Variants in GSTA2 observed in about 807,000 individuals in gnomAD.
GSTA2 encodes the protein glutathione S-transferase A2.
In GSTA2, 27 loss-of-function variants were observed where a neutral mutation model predicts 22.4. The observed-to-expected ratio is 1.21, with a 90% CI of 0.89 to 1.67. GSTA2 has a LOEUF of 1.67. Ranked by LOEUF, GSTA2 falls within the 40% of genes most tolerant of loss-of-function variation. The pLI is 0.00. For synonymous variants in GSTA2, 121 were observed against 86.8 expected (o/e 1.39, Z -2.19); for missense variants, 302 against 260.2 (o/e 1.16, Z -1.11).
Position 52,750,108 on chromosome 6 carries a change from A to C in GSTA2, c.*469T>G, listed in dbSNP as rs1237434274. On this transcript the variant is annotated 3_prime_UTR_variant, in exon 7 of 7. Coordinates refer to ENST00000493422, the MANE Select transcript of GSTA2 (RefSeq NM_000846.5). ...ATCGTTGTTTTGCAAATGCATTAGA[A>C]AGAATGCTTTTATCAGAAATAAAAT... 1 of 156,368 alleles carries C rather than the reference A, an allele frequency of 6.4e-6. No homozygotes were observed. Among genetic ancestry groups the C allele is most frequent in the Non-Finnish European group, 1.4e-5 (1 of 70,774 alleles). 9.7% of individuals were successfully genotyped at this position (156,368 alleles called of 1,614,324 possible).
chr6:52,760,962 A>G (rs1220516329), intron 1 of GSTA2, among the ~76,000 whole-genome samples: 3 of 152,158 alleles, frequency 2.0e-5, no homozygotes, highest in Non-Finnish European at 4.4e-5. Flanking sequence ...TTCCAGGAGT[A>G]AATTAAAGGA....
chr6:52,754,885 GA>G, intron 4 of GSTA2, 57 bp downstream of exon 4: 1 of 1,609,198 alleles, frequency 6.2e-7, no homozygotes, highest in South Asian at 1.1e-5. Flanking sequence ...CCCACTCAAG[GA>G]AGGACCTAAA....
intron 3 of GSTA2, among the ~76,000 whole-genome samples, chr6:52,755,646 T>A (rs1158297134): frequency 6.6e-6 from 1 of 152,206 alleles, no homozygotes; most frequent in Non-Finnish European, 1.5e-5. Context: ...TTTTTTGTGT[T>A]GATTTATCTT....
chr6:52,752,717 C>G, intron 5 of GSTA2, 137 bp downstream of exon 5: 3 of 1,042,598 alleles, frequency 2.9e-6, no homozygotes, highest in South Asian at 2.9e-5. Context: ...CATAAAATGC[C>G]TTGAGAGTCA....
intron 5 of GSTA2, among the ~76,000 whole-genome samples, chr6:52,752,026 A>G (rs1285610138): frequency 1.3e-5 from 2 of 152,164 alleles, no homozygotes; most frequent in Non-Finnish European, 2.9e-5. Context: ...TGTCTGCCCC[A>G]GGCCCTGCAG....
chr6:52,761,184 T>C (rs1762944444), intron 1 of GSTA2, among the ~76,000 whole-genome samples: 1 of 152,196 alleles, frequency 6.6e-6, no homozygotes, highest in Admixed American at 6.5e-5. Context: ...AAAAAAATCA[T>C]AGTAGGAACA....
At chr6:52,752,804 C>G (rs915848432) in intron 5 of GSTA2, 50 bp downstream of exon 5, 2 of 1,609,220 alleles carry the variant, frequency 1.2e-6, no homozygotes, top group Non-Finnish European at 1.7e-6. Flanking sequence ...CACTATTTTT[C>G]TACTGGCTTC....
At chr6:52,754,469 C>A (rs568224677) in intron 4 of GSTA2, among the ~76,000 whole-genome samples, 110 of 152,244 alleles carry the variant, frequency 7.2e-4, no homozygotes, top group African/African-American at 2.6e-3. Context: ...TCAAGTATTC[C>A]AGTTGATATA....
intron 1 of GSTA2, among the ~76,000 whole-genome samples, chr6:52,759,564 T>TTTTTTTTTG (rs1240503523): frequency 7.6e-5 from 2 of 26,188 alleles, no homozygotes; most frequent in Admixed American, 5.3e-4. Flanking sequence ...TATTTATTTG[T>TTTTTTTTTG]TTTTTTTTTT....
intron 4 of GSTA2, 76 bp downstream of exon 4, chr6:52,754,867 T>C (rs2127286881): frequency 2.5e-6 from 4 of 1,594,258 alleles, no homozygotes; most frequent in Non-Finnish European, 2.6e-6. Context: ...TACCCTGCCA[T>C]GGTCCCACCC....
In GSTA2 at chr6:52,752,978, T is replaced by C. The variant is rs551872534; in HGVS notation, c.290A>G (p.Glu97Gly). 1 of 1,610,626 alleles carries C rather than the reference T, an allele frequency of 6.2e-7. No individual in the cohort carries two copies. The highest frequency in any genetic ancestry group is 1.7e-5 in the Admixed American group (1 of 59,428). ...CATTTCACCCAAATCTGCTATACCT[T>C]CTATATACATATCAATCCTGAAAGA... ...KEKALIDMYIEGIADLGEMIL... is the reference protein window; with the variant it reads ...KEKALIDMYIGGIADLGEMIL... Residue 97 changes from glutamate to glycine, a missense_variant, in exon 5 of 7, where the codon GAA becomes GGA. Coordinates refer to ENST00000493422, the MANE Select transcript of GSTA2 (RefSeq NM_000846.5).
Position 52,754,965 on chromosome 6 carries a change from T to C in GSTA2, c.250A>G (p.Lys84Glu). Residue 84 changes from lysine to glutamate, a missense_variant, in exon 4 of 7, where the codon AAA becomes GAA. Lys to Glu is a moderately conservative substitution (Grantham distance 56, BLOSUM62 1). Coordinates refer to ENST00000493422, the MANE Select transcript of GSTA2 (RefSeq NM_000846.5). ...YIASKYNLYG[K>E]DIKEKALIDM... ...TACAGGGCTTTCTCCTTTATGTCTT[T>C]CCCATAGAGGTTGTATTTGCTGGCA... 1 of 1,613,920 alleles carries C rather than the reference T, an allele frequency of 6.2e-7. No homozygotes were observed. The highest frequency in any genetic ancestry group is 8.5e-7 in the Non-Finnish European group (1 of 1,179,948).
rs112870203 is a variant in GSTA2 at position 52,754,299 on chromosome 6, G to A, written c.272+644C>T. Among the ~76,000 whole-genome samples, 975 of 152,300 alleles carry A rather than the reference G, an allele frequency of 6.4e-3. 12 individuals carry two copies. The highest frequency in any genetic ancestry group is 0.022 in the African/African-American group (915 of 41,548). On this transcript the variant is annotated intron_variant, in intron 4 of 6. Coordinates refer to ENST00000493422, the MANE Select transcript of GSTA2 (RefSeq NM_000846.5). ...TATTAAAGTTTTTGAGGAGCTGCCA[G>A]CAGTTTCATTCAGGATTTATTTGGA...
intron 4 of GSTA2, 70 bp from the exon 5 acceptor site, chr6:52,753,065 A>G (rs1390113197): frequency 9.6e-6 from 14 of 1,451,924 alleles, no homozygotes; most frequent in Non-Finnish European, 1.3e-5. Context: ...TAAAAACCTA[A>G]GAGAGTAGAG....
chr6:52,751,674 C>T lies in GSTA2; in HGVS notation c.449G>A (p.Gly150Asp). Residue 150 changes from glycine to aspartate, a missense_variant, in exon 6 of 7, where the codon GGC (glycine) becomes GAC (aspartate). Gly to Asp is a moderately conservative substitution (Grantham distance 94, BLOSUM62 -1). Coordinates refer to ENST00000493422, the MANE Select transcript of GSTA2 (RefSeq NM_000846.5). Reference protein sequence around the residue: ...LKSHGQDYLVGNKLSRADIHL... With the variant: ...LKSHGQDYLVDNKLSRADIHL... ...AATGTCAGCCCGGCTCAGCTTGTTG[C>T]CAACAAGGTAGTCTTGTCCGTGGCT... is the stretch of plus-strand genomic sequence containing the variant. 2.5e-6 allele frequency: 4 copies of T among 1,614,140 alleles called. No individual in the cohort carries two copies. The highest frequency in any genetic ancestry group is 3.4e-6 in the Non-Finnish European group (4 of 1,180,008).
Position 52,752,921 on chromosome 6 carries a change from T to A in GSTA2, c.347A>T (p.Glu116Val). The stretch of plus-strand genomic sequence containing the variant: ...GATCAAGGCAAGCTTGGCATCTTGT[T>A]CCTCAGGTTGACTAAAGGGCAGAAG... The part of the protein sequence containing the change: ...ILLLPFSQPE[E>V]QDAKLALIQE... Residue 116 changes from glutamate to valine, a missense_variant, in exon 5 of 7, where the codon GAA (glutamate) becomes GTA (valine). Glu to Val is a moderately radical substitution (Grantham distance 121). Transcript: ENST00000493422. The A allele has an allele frequency of 1.9e-6, 3 of 1,614,078 alleles. No individual in the cohort carries two copies. The South Asian group carries it at 3.3e-5, about 18-fold the overall frequency.
intron 3 of GSTA2, 61 bp from the exon 4 acceptor site, chr6:52,755,136 A>T (rs1762816341): frequency 6.4e-7 from 1 of 1,573,062 alleles, no homozygotes; most frequent in South Asian, 1.2e-5. Context: ...TTTCAGGATG[A>T]AAAAAAATGG....
Position 52,755,071 on chromosome 6 carries a change from T to A in GSTA2, c.144A>T (p.Gly48=). The A allele has an allele frequency of 6.2e-7, 1 of 1,613,900 alleles. No individual in the cohort carries two copies. Among genetic ancestry groups the A allele is most frequent in the Non-Finnish European group, 8.5e-7 (1 of 1,179,998 alleles). ...AEDLDKLRND[G]YLMFQQVPMV... ...TTGGCACTTGCTGGAACATCAAATA[T>A]CCATCTTTAAGAGGAAGAAAAAAAA... Residue 48 remains glycine (G), a synonymous_variant, in exon 4 of 7, where the codon GGA becomes GGT. Coordinates refer to ENST00000493422, the MANE Select transcript of GSTA2 (RefSeq NM_000846.5).
rs375707027 is a variant in GSTA2 at position 52,760,585 on chromosome 6, C to T, written c.-30-2608G>A. Among the ~76,000 whole-genome samples the T allele has an allele frequency of 4.7e-4, 72 of 152,272 alleles. No individual in the cohort carries two copies. The South Asian group carries it at 0.015, about 31-fold the overall frequency. On this transcript the variant is annotated intron_variant, in intron 1 of 6. Coordinates refer to ENST00000493422, the MANE Select transcript of GSTA2 (RefSeq NM_000846.5). ...GCTAAAGCACCTGTCTCATGCTGCA[C>T]ACGTGGTGAGTGTTGGGTCAGCCTG... is the stretch of plus-strand genomic sequence containing the variant.
Sources: allele counts gnomAD v4.1 joint callset (sites outside exome capture counted in the v4.1 genomes callset), GRCh38; gene constraint gnomAD v4.1.1; transcripts MANE v1.5; gene names NCBI Gene and HGNC (gene_info 2026-07-23, HGNC 2026-07-21).